The following NEK1 variants were observed in gnomAD, a reference collection of about 807,000 sequenced individuals.
NEK1 encodes the protein serine/threonine-protein kinase Nek1.
NEK1 carries 137 observed loss-of-function variants against 182.1 expected under a neutral mutation model. The observed-to-expected ratio is 0.75, with a 90% CI of 0.65 to 0.87. The LOEUF is 0.87. Ranked by LOEUF, NEK1 falls within the 40% of genes least tolerant of loss-of-function variation. NEK1 has a pLI of 0.00. For synonymous variants in NEK1, 513 were observed against 492.2 expected, an observed-to-expected ratio of 1.04 and a Z score of -0.56; for missense variants, 1,391 against 1,494.4, an observed-to-expected ratio of 0.93 and a Z score of 1.14.
At chr4:169,422,320 C>G (rs909802507) in intron 31 of NEK1, among the ~76,000 whole-genome samples, 13 of 152,140 alleles carry the variant, frequency 8.5e-5, no homozygotes, top group Non-Finnish European at 1.9e-4. Flanking sequence ...GGATACTGTG[C>G]TCAAAAGAAG....
chr4:169,527,416 T>C (rs1369053126), intron 19 of NEK1, among the ~76,000 whole-genome samples: 3 of 152,202 alleles, frequency 2.0e-5, no homozygotes, highest in Non-Finnish European at 2.9e-5. Context: ...AAGTATTCCT[T>C]TTCTCTGTTA....
chr4:169,498,031 G>T (rs1024220544), intron 23 of NEK1, among the ~76,000 whole-genome samples: 3 of 151,588 alleles, frequency 2.0e-5, no homozygotes, highest in East Asian at 1.9e-4. Context: ...TTATTATTGT[G>T]TGGGAGTCTA....
chr4:169,426,183 G>C lies in NEK1; in HGVS notation c.2937C>G (p.Val979=). ...IQENEVSEDG[V]SSTVDQLSDI... Reference sequence around the variant, plus strand: ...CACTAAGTTGGTCCACAGTACTCGAGACTCCATCTTCAGAAACTTCATTTT... The same window carrying C: ...CACTAAGTTGGTCCACAGTACTCGACACTCCATCTTCAGAAACTTCATTTT... The change falls in exon 30 of 36, where the codon GTC becomes GTG. Residue 979 remains valine, a synonymous_variant. Transcript: ENST00000507142. 1 of 1,613,714 alleles carries C rather than the reference G, an allele frequency of 6.2e-7. No individual in the cohort carries two copies. Among genetic ancestry groups the C allele is most frequent in the Non-Finnish European group, 8.5e-7 (1 of 1,179,782 alleles).
chr4:169,401,507 G>GA (rs1731679740), intron 33 of NEK1, 145 bp downstream of exon 33: 1 of 510,318 alleles, frequency 2.0e-6, no homozygotes, highest in Non-Finnish European at 3.3e-6. Flanking sequence ...AAAAGAAAAA[G>GA]AATGAAAAAA....
At chr4:169,568,062 A>G (rs1278680596) in intron 12 of NEK1, among the ~76,000 whole-genome samples, 1 of 152,212 alleles carries the variant, frequency 6.6e-6, no homozygotes, top group Admixed American at 6.5e-5. Flanking sequence ...AACACTAGGG[A>G]CTTTCTATGA....
At chr4:169,570,060 C>T (rs1196262770) in intron 12 of NEK1, among the ~76,000 whole-genome samples, 1 of 146,542 alleles carries the variant, frequency 6.8e-6, no homozygotes, top group Non-Finnish European at 1.5e-5. Context: ...CGCCTCTTCC[C>T]GGCCGCCATC....
At chr4:169,591,987 G>A (rs1350821123) in intron 5 of NEK1, among the ~76,000 whole-genome samples, 2 of 150,380 alleles carry the variant, frequency 1.3e-5, no homozygotes, top group Admixed American at 6.6e-5. Flanking sequence ...ATGACGGGGC[G>A]AAAAAATGCC....
intron 23 of NEK1, among the ~76,000 whole-genome samples, chr4:169,493,610 G>A (rs184734227): frequency 2.4e-4 from 36 of 152,184 alleles, no homozygotes; most frequent in African/African-American, 8.7e-4. Flanking sequence ...AGAACTTTTG[G>A]AATTAAAAAA....
chr4:169,424,501 A>T lies in NEK1; in HGVS notation c.3222+52T>A. On this transcript the variant is annotated intron_variant, in intron 31 of 35. Transcript: ENST00000507142. ...TATTATGGTTTATAAAAGAAAAACA[A>T]TAATACATGTTATCGAATGGATAAT... 4 of 1,503,890 alleles carry T rather than the reference A, an allele frequency of 2.7e-6. No homozygotes were observed. In the South Asian group the frequency reaches 4.3e-5, roughly 16 times the overall value. 93.2% of individuals were successfully genotyped at this position (1,503,890 alleles called of 1,614,324 possible).
chr4:169,506,456 T>A (rs1182683876), intron 23 of NEK1, among the ~76,000 whole-genome samples: 1 of 152,082 alleles, frequency 6.6e-6, no homozygotes, highest in Admixed American at 6.6e-5. Flanking sequence ...AAATTAAAAA[T>A]TTTAAAATAA....
intron 23 of NEK1, among the ~76,000 whole-genome samples, chr4:169,498,227 C>G (rs1344390126): frequency 1.3e-5 from 2 of 152,042 alleles, no homozygotes; most frequent in Non-Finnish European, 2.9e-5. Flanking sequence ...GGATTGCAAC[C>G]CCTGCCTTTT....
At chr4:169,592,468 T>C (rs1383237290) in intron 5 of NEK1, among the ~76,000 whole-genome samples, 1 of 152,116 alleles carries the variant, frequency 6.6e-6, no homozygotes, top group Non-Finnish European at 1.5e-5. Flanking sequence ...GTATGCATAG[T>C]ATACCCCTAT....
chr4:169,561,991 G>A, intron 13 of NEK1, 100 bp from the exon 14 acceptor site: 6 of 1,078,262 alleles, frequency 5.6e-6, no homozygotes, highest in Non-Finnish European at 6.5e-6. Flanking sequence ...TGTTCAATGA[G>A]GTTTTTTTTT....
At chr4:169,544,255 G>C (rs1021740649) in intron 18 of NEK1, among the ~76,000 whole-genome samples, 7 of 152,180 alleles carry the variant, frequency 4.6e-5, no homozygotes, top group African/African-American at 1.7e-4. Flanking sequence ...TTCTGTTTAT[G>C]TGACGGATCA....
chr4:169,561,992 G>GTTT, intron 13 of NEK1, 101 bp from the exon 14 acceptor site: 1 of 923,866 alleles, frequency 1.1e-6, no homozygotes, highest in Non-Finnish European at 1.5e-6. Context: ...GTTCAATGAG[G>GTTT]TTTTTTTTTT....
chr4:169,446,716 A>G (rs541901448), intron 27 of NEK1, among the ~76,000 whole-genome samples: 2 of 152,308 alleles, frequency 1.3e-5, no homozygotes, highest in Non-Finnish European at 2.9e-5. Flanking sequence ...GATTGAAATA[A>G]TTAAAAAGAA....
In NEK1 at chr4:169,426,236, T is replaced by C. The variant is rs1736367074; in HGVS notation, c.2886-2A>G. 6.2e-7 allele frequency: 1 copy of C among 1,611,844 alleles called. No individual in the cohort carries two copies. Among genetic ancestry groups the C allele is most frequent in the Non-Finnish European group, 8.5e-7 (1 of 1,178,684 alleles). The stretch of plus-strand genomic sequence containing the variant: ...TGAATGGTGATCCTATCTGCCGACC[T>C]GCCACAGATGGGTACACCAATTAAA... On this transcript the variant is annotated splice_acceptor_variant, in intron 29 of 35. Transcript: ENST00000507142. LOFTEE classifies it high-confidence loss of function.
intron 18 of NEK1, among the ~76,000 whole-genome samples, chr4:169,552,140 A>G (rs1056490894): frequency 3.3e-5 from 5 of 152,128 alleles, no homozygotes; most frequent in African/African-American, 1.2e-4. Context: ...TGTAAATCTA[A>G]GACAATGAGT....
At chr4:169,452,226 T>A (rs1299793263) in intron 27 of NEK1, among the ~76,000 whole-genome samples, 1 of 152,192 alleles carries the variant, frequency 6.6e-6, no homozygotes, top group Non-Finnish European at 1.5e-5. Flanking sequence ...CACAGCTGAA[T>A]TCTACCAGAG....
Sources: allele counts gnomAD v4.1 joint callset (sites outside exome capture counted in the v4.1 genomes callset), GRCh38; gene constraint gnomAD v4.1.1; transcripts MANE v1.5; gene names NCBI Gene and HGNC (gene_info 2026-07-23, HGNC 2026-07-21).